Variants in LSP1 observed in about 807,000 individuals in gnomAD.
LSP1 encodes the protein lymphocyte-specific protein 1.
In LSP1, 32 loss-of-function variants were observed where a neutral mutation model predicts 49.3. The ratio of observed to expected loss-of-function variants is 0.65; its 90% confidence interval spans 0.49 to 0.87. The LOEUF is 0.87. LSP1 is among the 40% of genes least tolerant of loss of function. LSP1 has a pLI of 0.00. For missense variants in LSP1, 428 were observed against 442.6 expected, an observed-to-expected ratio of 0.97 and a Z score of 0.30; for synonymous variants, 179 against 178.8, an observed-to-expected ratio of 1.00 and a Z score of -0.01.
intron 1 of LSP1, among the ~76,000 whole-genome samples, chr11:1,858,899 G>A (rs977913187): frequency 1.3e-5 from 2 of 152,242 alleles, no homozygotes; most frequent in African/African-American, 4.8e-5. Flanking sequence ...ATGCTGAGCA[G>A]GGGTGGCAGG....
At chr11:1,872,565 G>A (rs1485738809) in intron 1 of LSP1, among the ~76,000 whole-genome samples, 2 of 140,450 alleles carry the variant, frequency 1.4e-5, no homozygotes, top group East Asian at 2.1e-4. Flanking sequence ...TCTGGCTGGC[G>A]TGGGCACTTT....
In LSP1 at chr11:1,881,617, C is replaced by T. The variant is rs367925713; in HGVS notation, c.356+21C>T. 1,089 of 1,457,648 alleles carry T rather than the reference C, an allele frequency of 7.5e-4. 13 individuals carry two copies. In the African/African-American group the frequency reaches 0.014, roughly 19 times the overall value. The allele number at this position is 1,457,648 out of a possible 1,614,324, so 90.3% of individuals were successfully genotyped here. A position where few individuals can be genotyped will look rare whatever the true frequency, so the allele number is the denominator to read the frequency against. On this transcript the variant is annotated intron_variant, in intron 3 of 10. Coordinates refer to ENST00000311604, the MANE Select transcript of LSP1 (RefSeq NM_002339.3). The stretch of plus-strand genomic sequence containing the variant: ...GACAGGTGAGTGAGGGCCTCGAGGG[C>T]GGGCGCTGGGCAGAGCAGGGCTCCC...
At chr11:1,868,079 C>T (rs1847852921) in intron 1 of LSP1, among the ~76,000 whole-genome samples, 1 of 152,218 alleles carries the variant, frequency 6.6e-6, no homozygotes, top group African/African-American at 2.4e-5. Context: ...GGGGCTCTCC[C>T]AGGGCCAGCT....
Position 1,887,471 on chromosome 11 carries a change from C to A in LSP1, c.931-3C>A. Reference sequence around the variant, plus strand: ...CTTCACTCTTGGTCTCCTTTCCCAACAGAGCACCCCATCTGGGAAGAGGTA... The same window carrying A: ...CTTCACTCTTGGTCTCCTTTCCCAAAAGAGCACCCCATCTGGGAAGAGGTA... On this transcript the variant is annotated splice_polypyrimidine_tract_variant and splice_region_variant and intron_variant, in intron 9 of 10. Transcript: ENST00000311604. 1 of 1,613,564 alleles carries A rather than the reference C, an allele frequency of 6.2e-7. No homozygotes were observed. The highest frequency in any genetic ancestry group is 8.5e-7 in the Non-Finnish European group (1 of 1,179,586).
At chr11:1,861,158 A>G (rs1396231654) in intron 1 of LSP1, among the ~76,000 whole-genome samples, 3 of 152,232 alleles carry the variant, frequency 2.0e-5, no homozygotes, top group Admixed American at 2.0e-4. Context: ...TAAGAAAAGA[A>G]TTACTTCTTT....
At chr11:1,872,117 T>G (rs368002997) in intron 1 of LSP1, among the ~76,000 whole-genome samples, 345 of 106,134 alleles carry the variant, frequency 3.3e-3, no homozygotes, top group African/African-American at 4.0e-3. Flanking sequence ...TGGGAGGGGG[T>G]GTGTGTGGCG....
At chr11:1,888,324 C>T (rs1848841622) in intron 10 of LSP1, among the ~76,000 whole-genome samples, 3 of 152,222 alleles carry the variant, frequency 2.0e-5, no homozygotes, top group Admixed American at 2.0e-4. Flanking sequence ...GCCACAGCCC[C>T]TTCTCTGTCC....
intron 1 of LSP1, among the ~76,000 whole-genome samples, chr11:1,872,831 T>A (rs1848101301): frequency 6.6e-6 from 1 of 152,116 alleles, no homozygotes; most frequent in Admixed American, 6.5e-5. Context: ...AGACTAGTCC[T>A]GGCATCACCA....
At chr11:1,862,394 G>A (rs905784157) in intron 1 of LSP1, among the ~76,000 whole-genome samples, 1 of 152,228 alleles carries the variant, frequency 6.6e-6, no homozygotes, top group African/African-American at 2.4e-5. Context: ...TGACAGGGAA[G>A]TCCTGCCATT....
At chr11:1,878,843 G>A (rs946322981) in intron 1 of LSP1, among the ~76,000 whole-genome samples, 3 of 152,130 alleles carry the variant, frequency 2.0e-5, no homozygotes, top group Admixed American at 6.5e-5. Context: ...CTAGGAGGGC[G>A]ATGGGAGGCA....
At chr11:1,876,793 C>T (rs533617892) in intron 1 of LSP1, 13 of 277,346 alleles carry the variant, frequency 4.7e-5, no homozygotes, top group Admixed American at 6.5e-5. Context: ...TGGATGAGGC[C>T]GGCAGGAACA....
chr11:1,880,840 TG>T (rs938992032), intron 2 of LSP1: 2 of 153,806 alleles, frequency 1.3e-5, no homozygotes, highest in Admixed American at 1.3e-4. Flanking sequence ...GGTCCTCATG[TG>T]GGGACCAGGG....
intron 3 of LSP1, among the ~76,000 whole-genome samples, chr11:1,882,103 C>T (rs1323267592): frequency 3.3e-5 from 5 of 152,162 alleles, no homozygotes; most frequent in Admixed American, 2.6e-4. Flanking sequence ...GCCGGGAGGA[C>T]GCACTTTCCA....
intron 3 of LSP1, among the ~76,000 whole-genome samples, chr11:1,881,877 C>T (rs917858614): frequency 1.3e-5 from 2 of 152,140 alleles, no homozygotes; most frequent in African/African-American, 4.8e-5. Flanking sequence ...GGCGAGGGGC[C>T]GCGAGGAAAC....
In LSP1 at chr11:1,853,263, A is replaced by G. The variant is rs914109620; in HGVS notation, c.53+66A>G. The G allele has an allele frequency of 3.9e-6, 6 of 1,531,272 alleles. No homozygotes were observed. In the African/African-American group the frequency reaches 6.8e-5, roughly 17 times the overall value. The allele number at this position is 1,531,272 out of a possible 1,614,324, so 94.9% of individuals were successfully genotyped here. The stretch of plus-strand genomic sequence containing the variant: ...CACGGGTGCATAGTCCTTGAGCTGC[A>G]TGGAGGGTGGAGAACTGAGGTGCCT... On this transcript the variant is annotated intron_variant, in intron 1 of 10. Coordinates refer to ENST00000311604, the MANE Select transcript of LSP1 (RefSeq NM_002339.3).
intron 1 of LSP1, among the ~76,000 whole-genome samples, chr11:1,867,383 C>G (rs998944222): frequency 4.0e-5 from 6 of 150,716 alleles, no homozygotes; most frequent in Non-Finnish European, 8.9e-5. Flanking sequence ...ACACGACCAC[C>G]CGGGACAGTA....
intron 1 of LSP1, chr11:1,870,054 T>A (rs688601): frequency 0.57 from 247,731 of 431,322 alleles, 72,825 homozygotes; most frequent in East Asian, 0.87. Context: ...GTAATGGGGA[T>A]GATAGGACTG....
chr11:1,862,680 A>C (rs187609456), intron 1 of LSP1, among the ~76,000 whole-genome samples: 2 of 151,586 alleles, frequency 1.3e-5, no homozygotes, highest in African/African-American at 4.8e-5. Context: ...ACCTCCCCTG[A>C]GTGATTTAGC....
In LSP1 at chr11:1,887,532, A is replaced by G. The variant is rs1848807786; in HGVS notation, c.989A>G (p.Lys330Arg). Residue 330 changes from lysine to arginine, a missense_variant, in exon 10 of 11, where the codon AAG becomes AGG. Transcript: ENST00000311604. Reference protein sequence around the residue: ...FVATGHGKYEKVLVEGGPAP With the variant: ...FVATGHGKYERVLVEGGPAP ...GCCACCGGGCATGGGAAGTATGAGAAGGTGCTTGTGGAAGGGGGCCCGGCT... is the reference window on the plus strand; with the variant it reads ...GCCACCGGGCATGGGAAGTATGAGAGGGTGCTTGTGGAAGGGGGCCCGGCT... 1 of 1,613,518 alleles carries G rather than the reference A, an allele frequency of 6.2e-7. No individual in the cohort carries two copies. Among genetic ancestry groups the G allele is most frequent in the African/African-American group, 1.3e-5 (1 of 74,766 alleles).
Sources: gnomAD v4.1 joint callset for allele counts (sites outside exome capture counted in the v4.1 genomes callset) on GRCh38, gnomAD v4.1.1 for gene constraint, MANE v1.5 for transcripts, NCBI Gene and HGNC (gene_info 2026-07-23, HGNC 2026-07-21) for gene names.